FHIT: variants seen among roughly 807,000 people sequenced by gnomAD.
FHIT encodes fragile histidine triad diadenosine triphosphatase, also known as bis(5'-adenosyl)-triphosphatase.
Under a neutral mutation model 17.9 loss-of-function variants are expected in FHIT, and 19 were observed. The ratio of observed to expected loss-of-function variants is 1.06; its 90% CI spans 0.74 to 1.56. The LOEUF (loss-of-function observed/expected upper bound fraction) is 1.56. Ranked by LOEUF, FHIT falls within the 40% of genes most tolerant of loss-of-function variation. The pLI, the probability that FHIT is intolerant of heterozygous loss-of-function variation, is 0.00. For missense variants in FHIT, 248 were observed against 189.2 expected (o/e 1.31, Z -1.82); for synonymous variants, 81 against 69.7 (o/e 1.16, Z -0.81).
At chr3:59,984,738 T>C (rs891248830) in intron 7 of FHIT, among the ~76,000 whole-genome samples, 2 of 152,136 alleles carry the variant, frequency 1.3e-5, no homozygotes, top group South Asian at 2.1e-4. Context: ...CCTATTAAGT[T>C]TGAGTTTTCT....
chr3:60,690,302 C>G lies in FHIT; in HGVS notation c.-18+131617G>C, dbSNP rs2040956528. ...CTGAACACAAAGCGCTCCATGGCCT[C>G]CACAATATCCATGCCTTCTTTCACC... On this transcript the variant is annotated intron_variant, in intron 4 of 9. Coordinates refer to ENST00000492590, the MANE Select transcript of FHIT (RefSeq NM_002012.4). The G allele has an allele frequency of 4.8e-5, 27 of 560,130 alleles. 1 individual carries two copies. The highest frequency in any genetic ancestry group is 3.7e-4 in the South Asian group (27 of 72,438). The allele number at this position is 560,130 out of a possible 1,614,324, so 34.7% of individuals were successfully genotyped here.
chr3:59,779,841 G>A (rs1272829142), intron 8 of FHIT, among the ~76,000 whole-genome samples: 1 of 152,174 alleles, frequency 6.6e-6, no homozygotes, highest in African/African-American at 2.4e-5. Flanking sequence ...ATAAATACAT[G>A]AGGGATAAAC....
rs193117797 is a variant in FHIT at position 60,792,805 on chromosome 3, T to C, written c.-18+29114A>G. Reference sequence around the variant, plus strand: ...CTTTACAGCCATTAGTAATTCCATCTTGAGACTGCCCTTCGAGAAAACAAT... The same window carrying C: ...CTTTACAGCCATTAGTAATTCCATCCTGAGACTGCCCTTCGAGAAAACAAT... On this transcript the variant is annotated intron_variant, in intron 4 of 9. Transcript: ENST00000492590. Among the ~76,000 whole-genome samples the C allele has an allele frequency of 8.7e-4, 132 of 151,950 alleles. 2 individuals carry two copies. In the South Asian group the frequency reaches 0.026, roughly 30 times the overall value.
chr3:60,831,014 T>C (rs76673264), intron 3 of FHIT, among the ~76,000 whole-genome samples: 2,349 of 152,314 alleles, frequency 0.015, 62 homozygotes, highest in African/African-American at 0.053. Flanking sequence ...CTCTGACAGA[T>C]AGAAAATCTT....
chr3:60,143,766 G>A (rs1483113698), intron 5 of FHIT, among the ~76,000 whole-genome samples: 2 of 152,038 alleles, frequency 1.3e-5, no homozygotes, highest in Non-Finnish European at 2.9e-5. Context: ...CCTTGTTACT[G>A]TAATTTCAGA....
intron 8 of FHIT, among the ~76,000 whole-genome samples, chr3:59,768,637 T>G (rs564442713): frequency 0.012 from 1,787 of 152,342 alleles, 2 homozygotes; most frequent in African/African-American, 0.041. Context: ...TGTCATATGG[T>G]TCAATCTAAT....
chr3:60,781,264 A>T (rs1307696681), intron 4 of FHIT, among the ~76,000 whole-genome samples: 1 of 152,186 alleles, frequency 6.6e-6, no homozygotes, highest in Non-Finnish European at 1.5e-5. Flanking sequence ...GACTCATTAA[A>T]CTATTCTTTT....
chr3:59,997,318 A>G (rs1699554489), intron 7 of FHIT, among the ~76,000 whole-genome samples: 1 of 152,294 alleles, frequency 6.6e-6, no homozygotes, highest in South Asian at 2.1e-4. Flanking sequence ...AGAAATAGAG[A>G]ATCAATCCAA....
At chr3:60,432,475 G>A (rs938468653) in intron 5 of FHIT, among the ~76,000 whole-genome samples, 1 of 152,040 alleles carries the variant, frequency 6.6e-6, no homozygotes, top group Admixed American at 6.6e-5. Flanking sequence ...TAAAAACTGA[G>A]TGTATAGTGA....
At chr3:61,043,118 G>A (rs117709952) in intron 2 of FHIT, among the ~76,000 whole-genome samples, 1 of 152,114 alleles carries the variant, frequency 6.6e-6, no homozygotes, top group African/African-American at 2.4e-5. Flanking sequence ...TGGACAGTGG[G>A]TGCACCCCAT....
At chr3:61,164,836 C>T (rs1194693802) in intron 2 of FHIT, among the ~76,000 whole-genome samples, 1 of 152,146 alleles carries the variant, frequency 6.6e-6, no homozygotes, top group Non-Finnish European at 1.5e-5. Context: ...TCAATTGTTG[C>T]CATCTTTATG....
In FHIT at chr3:60,085,143, G is replaced by T. The variant is rs117626811; in HGVS notation, c.104-70991C>A. ...TTCCTTCCTCACACACTCAAAACAG[G>T]AACAAAAGAGAGTGGTCTAGATTTT... On this transcript the variant is annotated intron_variant, in intron 5 of 9. Transcript: ENST00000492590. Among the ~76,000 whole-genome samples, 82 of 152,248 alleles carry T rather than the reference G, an allele frequency of 5.4e-4. 3 individuals carry two copies. In the East Asian group the frequency reaches 0.015, roughly 28 times the overall value.
intron 2 of FHIT, among the ~76,000 whole-genome samples, chr3:61,179,339 T>A (rs1162397517): frequency 6.6e-6 from 1 of 152,002 alleles, no homozygotes; most frequent in East Asian, 1.9e-4. Context: ...CACAAAAAGA[T>A]CATTCCGAAT....
chr3:60,169,444 T>C (rs960271989), intron 5 of FHIT, among the ~76,000 whole-genome samples: 1 of 152,208 alleles, frequency 6.6e-6, no homozygotes, highest in Admixed American at 6.5e-5. Flanking sequence ...TTTCATTGCA[T>C]AGGGAGGCAA....
intron 5 of FHIT, among the ~76,000 whole-genome samples, chr3:60,153,335 G>A (rs77950333): frequency 0.01 from 1,079 of 106,368 alleles, 18 homozygotes; most frequent in African/African-American, 0.038. Flanking sequence ...CCGAGTGAAA[G>A]AAAGGTAACT....
intron 5 of FHIT, among the ~76,000 whole-genome samples, chr3:60,101,843 A>T (rs1017299158): frequency 6.6e-6 from 1 of 152,206 alleles, no homozygotes; most frequent in Non-Finnish European, 1.5e-5. Flanking sequence ...CAATTACGCA[A>T]GGCACACTGA....
chr3:61,067,434 C>T (rs1323789575), intron 2 of FHIT, among the ~76,000 whole-genome samples: 1 of 152,160 alleles, frequency 6.6e-6, no homozygotes, highest in African/African-American at 2.4e-5. Flanking sequence ...ACAGCTGGTT[C>T]TTAATTGTCC....
At chr3:60,825,510 T>A (rs1457252071) in intron 3 of FHIT, among the ~76,000 whole-genome samples, 1 of 152,208 alleles carries the variant, frequency 6.6e-6, no homozygotes, top group Non-Finnish European at 1.5e-5. Flanking sequence ...AGTACCAGTC[T>A]GTGGCCTGTT....
intron 3 of FHIT, among the ~76,000 whole-genome samples, chr3:61,021,322 G>T (rs923322379): frequency 6.6e-6 from 1 of 152,100 alleles, no homozygotes; most frequent in Non-Finnish European, 1.5e-5. Flanking sequence ...AAATCAGGCC[G>T]GGCGCGGTGG....
Sources: gnomAD v4.1 joint callset for allele counts (sites outside exome capture counted in the v4.1 genomes callset) on GRCh38, gnomAD v4.1.1 for gene constraint, MANE v1.5 for transcripts, NCBI Gene and HGNC (gene_info 2026-07-23, HGNC 2026-07-21) for gene names.